The following IMMP2L variants were observed in gnomAD, a reference collection of about 807,000 sequenced individuals.
IMMP2L encodes the protein inner mitochondrial membrane peptidase subunit 2.
IMMP2L carries 18 observed loss-of-function variants against 19.3 expected under a neutral mutation model. That is an observed-to-expected ratio of 0.93 (90% CI 0.64 to 1.38). IMMP2L has a LOEUF of 1.38. Ranked by LOEUF, IMMP2L falls within the 40% of genes most tolerant of loss-of-function variation. The pLI is 0.00. For synonymous variants in IMMP2L, 76 were observed against 73.0 expected (o/e 1.04, Z -0.21); for missense variants, 233 against 218.2 (o/e 1.07, Z -0.43).
intron 5 of IMMP2L, among the ~76,000 whole-genome samples, chr7:110,719,038 C>T (rs1795408394): frequency 6.6e-6 from 1 of 152,098 alleles, no homozygotes; most frequent in South Asian, 2.1e-4. Context: ...CCAGAACACA[C>T]AACTTAGGAA....
chr7:111,322,133 T>C (rs1414738815), intron 3 of IMMP2L, among the ~76,000 whole-genome samples: 3 of 151,936 alleles, frequency 2.0e-5, no homozygotes, highest in Non-Finnish European at 4.4e-5. Flanking sequence ...TAATGTAAGA[T>C]AACAGCTTTG....
At chr7:111,397,862 T>C (rs1011099492) in intron 3 of IMMP2L, among the ~76,000 whole-genome samples, 6 of 152,112 alleles carry the variant, frequency 3.9e-5, no homozygotes, top group African/African-American at 1.4e-4. Context: ...GAGACTTTCA[T>C]TTTGCATAAT....
At chr7:111,266,972 T>C (rs529468628) in intron 3 of IMMP2L, among the ~76,000 whole-genome samples, 14 of 152,304 alleles carry the variant, frequency 9.2e-5, no homozygotes, top group African/African-American at 3.4e-4. Flanking sequence ...GATCAATTTC[T>C]CTACCCTAGC....
chr7:111,355,606 A>G (rs1393023428), intron 3 of IMMP2L, among the ~76,000 whole-genome samples: 2 of 151,934 alleles, frequency 1.3e-5, no homozygotes, highest in Non-Finnish European at 2.9e-5. Context: ...ACAATAAAAA[A>G]ACAGGGAAAA....
chr7:111,093,470 T>C (rs979088558), intron 3 of IMMP2L, among the ~76,000 whole-genome samples: 2 of 152,184 alleles, frequency 1.3e-5, no homozygotes, highest in Non-Finnish European at 2.9e-5. Flanking sequence ...TCCTATATAA[T>C]GTAGCATTGC....
At chr7:111,402,960 T>C (rs1397799465) in intron 3 of IMMP2L, among the ~76,000 whole-genome samples, 7 of 149,300 alleles carry the variant, frequency 4.7e-5, no homozygotes, top group Admixed American at 1.3e-4. Flanking sequence ...TCTGGAGTGC[T>C]GTGGTGCAAT....
At chr7:111,062,811 C>A (rs1794143107) in intron 3 of IMMP2L, among the ~76,000 whole-genome samples, 1 of 152,244 alleles carries the variant, frequency 6.6e-6, no homozygotes, top group Admixed American at 6.5e-5. Flanking sequence ...GTCTCACAAC[C>A]AGTTTACACT....
intron 3 of IMMP2L, chr7:111,125,352 C>G (rs1205740749): frequency 5.9e-6 from 1 of 168,408 alleles, no homozygotes; most frequent in Non-Finnish European, 1.4e-5. Context: ...AGAGTAGACA[C>G]AGTGAGTATG....
intron 3 of IMMP2L, among the ~76,000 whole-genome samples, chr7:111,229,884 T>C (rs537527873): frequency 6.6e-6 from 1 of 152,112 alleles, no homozygotes; most frequent in East Asian, 1.9e-4. Context: ...AAAGCCCAAG[T>C]GTAAAGAACG....
intron 5 of IMMP2L, among the ~76,000 whole-genome samples, chr7:110,804,248 T>C (rs1178232685): frequency 2.0e-5 from 3 of 152,068 alleles, no homozygotes; most frequent in Non-Finnish European, 4.4e-5. Context: ...CCTTCTTTCA[T>C]GCCAATTACT....
At chr7:110,689,576 C>A (rs1248810199) in intron 5 of IMMP2L, among the ~76,000 whole-genome samples, 2 of 151,978 alleles carry the variant, frequency 1.3e-5, no homozygotes, top group Non-Finnish European at 2.9e-5. Context: ...TCATAGTTAC[C>A]TCTTTTTACT....
At chr7:110,887,779 G>A in intron 4 of IMMP2L, among the ~76,000 whole-genome samples, 2 of 150,186 alleles carry the variant, frequency 1.3e-5, no homozygotes, top group Admixed American at 1.3e-4. Context: ...AAAAAGCTCA[G>A]GAAAACGCCT....
chr7:111,485,949 T>A (rs1842623163), intron 3 of IMMP2L, among the ~76,000 whole-genome samples: 1 of 152,224 alleles, frequency 6.6e-6, no homozygotes, highest in Non-Finnish European at 1.5e-5. Context: ...GTGGGTATCC[T>A]TTCCATCACC....
chr7:110,775,978 T>G (rs1210113402), intron 5 of IMMP2L, among the ~76,000 whole-genome samples: 1 of 150,466 alleles, frequency 6.6e-6, no homozygotes, highest in Admixed American at 6.7e-5. Context: ...AAAAAACGCA[T>G]GAAAAATAAC....
intron 5 of IMMP2L, among the ~76,000 whole-genome samples, chr7:110,740,765 G>A (rs1281548418): frequency 2.0e-5 from 3 of 151,912 alleles, no homozygotes; most frequent in East Asian, 1.9e-4. Context: ...AAATAGAGTT[G>A]GCATGGATGC....
At chr7:111,347,956 A>T (rs1341707666) in intron 3 of IMMP2L, among the ~76,000 whole-genome samples, 1 of 151,332 alleles carries the variant, frequency 6.6e-6, no homozygotes, top group Non-Finnish European at 1.5e-5. Flanking sequence ...CTATGCAGCC[A>T]TAAAAAAAAG....
intron 5 of IMMP2L, among the ~76,000 whole-genome samples, chr7:110,771,670 C>G (rs573390828): frequency 6.6e-6 from 1 of 152,126 alleles, no homozygotes; most frequent in East Asian, 1.9e-4. Context: ...ACTAAACATA[C>G]GAGGGTAGAG....
intron 5 of IMMP2L, among the ~76,000 whole-genome samples, chr7:110,681,366 C>T (rs1196838283): frequency 6.6e-6 from 1 of 151,962 alleles, no homozygotes; most frequent in Non-Finnish European, 1.5e-5. Context: ...CTGCTTTTAC[C>T]CTAGGGAAAA....
intron 3 of IMMP2L, among the ~76,000 whole-genome samples, chr7:111,257,838 T>TTTG (rs1174689571): frequency 6.6e-6 from 1 of 152,006 alleles, no homozygotes. Flanking sequence ...AAAGTGCAGG[T>TTTG]TTGTTACATA....
Sources: allele counts gnomAD v4.1 joint callset (sites outside exome capture counted in the v4.1 genomes callset), GRCh38; gene constraint gnomAD v4.1.1; transcripts MANE v1.5; gene names NCBI Gene and HGNC (gene_info 2026-07-23, HGNC 2026-07-21).